Variants in OR6N1 observed in about 807,000 individuals in gnomAD.
OR6N1 encodes olfactory receptor family 6 subfamily N member 1, also known as olfactory receptor 6N1.
For missense variants in OR6N1, 394 were observed against 371.7 expected, an observed-to-expected ratio of 1.06 and a Z score of -0.49; for synonymous variants, 170 against 150.7, an observed-to-expected ratio of 1.13 and a Z score of -0.94.
the OR6N1 span, among the ~76,000 whole-genome samples, chr1:158,797,050 G>A: frequency 6.6e-6 from 1 of 152,266 alleles, no homozygotes; most frequent in Admixed American, 6.5e-5. Context: ...TTGTGCCCAA[G>A]AGACTAACAG....
chr1:158,795,410 G>A, the OR6N1 span, among the ~76,000 whole-genome samples: 8 of 152,248 alleles, frequency 5.3e-5, 1 homozygote, highest in Admixed American at 2.0e-4. Context: ...GCCCATGTCT[G>A]TAGCACACTT....
the OR6N1 span, among the ~76,000 whole-genome samples, chr1:158,835,119 T>A: frequency 7.9e-5 from 12 of 152,216 alleles, no homozygotes; most frequent in African/African-American, 2.9e-4. Flanking sequence ...CTACATGAAT[T>A]TTAAGACAAA....
intron 1 of OR6N1, among the ~76,000 whole-genome samples, chr1:158,768,435 C>T (rs1010212991): frequency 1.5e-4 from 23 of 152,138 alleles, no homozygotes; most frequent in Non-Finnish European, 4.4e-5. Flanking sequence ...CTGCAGTCAT[C>T]CTTGTTTCTA....
the OR6N1 span, among the ~76,000 whole-genome samples, chr1:158,786,547 T>C: frequency 6.6e-6 from 1 of 152,180 alleles, no homozygotes; most frequent in Non-Finnish European, 1.5e-5. Flanking sequence ...TGGACCTGCA[T>C]GTTTGTAGCA....
At chr1:158,800,027 G>A in the OR6N1 span, among the ~76,000 whole-genome samples, 7,029 of 152,098 alleles carry the variant, frequency 0.046, 339 homozygotes, top group Admixed American at 0.13. Flanking sequence ...GTTAGAAAAC[G>A]TTGGTGCTAT....
chr1:158,822,156 CT>C, the OR6N1 span, among the ~76,000 whole-genome samples: 6 of 152,110 alleles, frequency 3.9e-5, no homozygotes, highest in Non-Finnish European at 8.8e-5. Context: ...CAGCTTTATT[CT>C]TTTTGATTAA....
At chr1:158,777,944 T>C in the OR6N1 span, among the ~76,000 whole-genome samples, 1 of 152,196 alleles carries the variant, frequency 6.6e-6, no homozygotes, top group African/African-American at 2.4e-5. Flanking sequence ...GAGAAGGAAG[T>C]AATTAGAACA....
Position 158,766,507 on chromosome 1 carries a change from A to G in OR6N1, c.176T>C (p.Met59Thr), listed in dbSNP as rs1657275608. ...VCLDSRLHTP[M>T]YHFVSILSFS... ...GGAGAGAATGCTGACAAAGTGGTAC[A>G]TGGGTGTGTGAAGCCGGGAGTCCAG... Residue 59 changes from methionine to threonine, a missense_variant, in exon 2 of 2, where the codon ATG becomes ACG. Coordinates refer to ENST00000641846, the MANE Select transcript of OR6N1 (RefSeq NM_001005185.2). The G allele has an allele frequency of 6.2e-7, 1 of 1,614,174 alleles. No homozygotes were observed. Among genetic ancestry groups the G allele is most frequent in the Non-Finnish European group, 8.5e-7 (1 of 1,180,022 alleles).
chr1:158,786,440 T>C, the OR6N1 span, among the ~76,000 whole-genome samples: 1 of 152,092 alleles, frequency 6.6e-6, no homozygotes. Flanking sequence ...AGTAGGGAGA[T>C]TCCTTAAAGA....
chr1:158,817,523 G>A, the OR6N1 span, among the ~76,000 whole-genome samples: 8 of 152,170 alleles, frequency 5.3e-5, no homozygotes, highest in Non-Finnish European at 8.8e-5. Context: ...ATTTTCTAGT[G>A]CTGCTTTTTG....
At chr1:158,805,649 A>G in the OR6N1 span, among the ~76,000 whole-genome samples, 121 of 152,012 alleles carry the variant, frequency 8.0e-4, 1 homozygote, top group Middle Eastern at 0.01. Context: ...GAAATACCCA[A>G]GGAGGTCTCA....
chr1:158,819,035 G>A, the OR6N1 span, among the ~76,000 whole-genome samples: 4 of 152,132 alleles, frequency 2.6e-5, no homozygotes, highest in African/African-American at 9.7e-5. Flanking sequence ...GGGAAGCTGG[G>A]GGAGAAGCAA....
chr1:158,779,426 A>G, the OR6N1 span, among the ~76,000 whole-genome samples: 1 of 152,240 alleles, frequency 6.6e-6, no homozygotes, highest in Non-Finnish European at 1.5e-5. Context: ...ATTAATAACC[A>G]AACGAATTCA....
chr1:158,800,627 G>A, the OR6N1 span, among the ~76,000 whole-genome samples: 1 of 152,054 alleles, frequency 6.6e-6, no homozygotes, highest in Non-Finnish European at 1.5e-5. Flanking sequence ...AGATAATGCT[G>A]CTGTATGCTA....
At chr1:158,787,440 A>C in the OR6N1 span, among the ~76,000 whole-genome samples, 1 of 152,210 alleles carries the variant, frequency 6.6e-6, no homozygotes, top group Non-Finnish European at 1.5e-5. Flanking sequence ...GCTTTGTAGC[A>C]CAAATGTAGC....
At chr1:158,788,861 C>T in the OR6N1 span, among the ~76,000 whole-genome samples, 1 of 152,118 alleles carries the variant, frequency 6.6e-6, no homozygotes, top group Admixed American at 6.6e-5. Flanking sequence ...TTATGTTATA[C>T]ATAACCTTTG....
At chr1:158,797,374 A>G in the OR6N1 span, among the ~76,000 whole-genome samples, 1 of 152,160 alleles carries the variant, frequency 6.6e-6, no homozygotes, top group Non-Finnish European at 1.5e-5. Context: ...AATCGGGGGG[A>G]AAGCGTTATA....
chr1:158,767,308 C>A (rs985024517), intron 1 of OR6N1, among the ~76,000 whole-genome samples: 3 of 151,850 alleles, frequency 2.0e-5, no homozygotes, highest in East Asian at 3.9e-4. Flanking sequence ...GAGCTCCAGT[C>A]AAAAATAAGA....
the OR6N1 span, among the ~76,000 whole-genome samples, chr1:158,833,451 T>G: frequency 6.6e-6 from 1 of 152,212 alleles, no homozygotes; most frequent in South Asian, 2.1e-4. Context: ...CTTGCAAAAC[T>G]AAAACTCTAA....
Sources: gnomAD v4.1 joint callset for allele counts (sites outside exome capture counted in the v4.1 genomes callset) on GRCh38, gnomAD v4.1.1 for gene constraint, MANE v1.5 for transcripts, NCBI Gene and HGNC (gene_info 2026-07-23, HGNC 2026-07-21) for gene names.